PLSCR2: variants seen among roughly 807,000 people sequenced by gnomAD.
PLSCR2 encodes the protein phospholipid scramblase 2, also known as PL scramblase 2.
In PLSCR2, 18 loss-of-function variants were observed where a neutral mutation model predicts 25.3. The observed-to-expected ratio is 0.71, with a 90% CI of 0.49 to 1.06. PLSCR2 has a LOEUF of 1.06. Ranked by LOEUF, PLSCR2 falls within the 50% of genes least tolerant of loss-of-function variation. The pLI, the probability that PLSCR2 is intolerant of heterozygous loss-of-function variation, is 0.00. For synonymous variants in PLSCR2, 88 were observed against 87.3 expected, an observed-to-expected ratio of 1.01 and a Z score of -0.04; for missense variants, 243 against 269.5, an observed-to-expected ratio of 0.90 and a Z score of 0.69.
chr3:146,459,003 C>T (rs1359870027), intron 2 of PLSCR2, among the ~76,000 whole-genome samples: 1 of 152,228 alleles, frequency 6.6e-6, no homozygotes, highest in East Asian at 1.9e-4. Context: ...AATTCATTTA[C>T]TGAAAACTCA....
At chr3:146,428,742 CTG>C (rs1182886908), downstream of PLSCR2, among the ~76,000 whole-genome samples, 5 of 152,194 alleles carry the variant, frequency 3.3e-5, no homozygotes, top group African/African-American at 1.2e-4. Context: ...GTCTACACTT[CTG>C]TGAGATGAGA....
chr3:146,483,479 GTATA>G (rs56655616), intron 1 of PLSCR2, among the ~76,000 whole-genome samples: 56 of 54,820 alleles, frequency 1.0e-3, no homozygotes, highest in Admixed American at 4.2e-3. Context: ...ATATACATGT[GTATA>G]TATATATATA....
chr3:146,485,104 A>C (rs753478756), intron 1 of PLSCR2, among the ~76,000 whole-genome samples: 1 of 140,416 alleles, frequency 7.1e-6, no homozygotes, highest in Non-Finnish European at 1.6e-5. Context: ...TTCATCAAGC[A>C]ACTGGAAAGA....
Position 146,454,177 on chromosome 3 carries a change from A to T in PLSCR2, c.322-14T>A. On this transcript the variant is annotated splice_polypyrimidine_tract_variant and intron_variant, in intron 4 of 6. Coordinates refer to ENST00000610787, the Ensembl canonical transcript of PLSCR2. Reference sequence around the variant, plus strand: ...TTGGATTTCTATCTACAAAAGTAAAATATGTGTGAACGTAATAAATCATCA... The same window carrying T: ...TTGGATTTCTATCTACAAAAGTAAATTATGTGTGAACGTAATAAATCATCA... 6.5e-7 allele frequency: 1 copy of T among 1,543,014 alleles called. No homozygotes were observed. The highest frequency in any genetic ancestry group is 8.8e-7 in the Non-Finnish European group (1 of 1,140,284).
upstream of PLSCR2, chr3:146,461,684 T>C: frequency 1.9e-6 from 1 of 521,604 alleles, no homozygotes; most frequent in Non-Finnish European, 3.4e-6. Flanking sequence ...AAACGCTGAC[T>C]CTGTAAGGAA....
chr3:146,407,552 G>T (rs565628205), intron 2 of PLSCR2, among the ~76,000 whole-genome samples: 1 of 152,262 alleles, frequency 6.6e-6, no homozygotes, highest in African/African-American at 2.4e-5. Flanking sequence ...GCACTGGAGA[G>T]CTGCTTGATC....
chr3:146,479,650 C>T (rs541403619), intron 1 of PLSCR2, among the ~76,000 whole-genome samples: 22 of 152,294 alleles, frequency 1.4e-4, no homozygotes, highest in Admixed American at 3.3e-4. Context: ...GACTTCAACA[C>T]TCCACTATCA....
At position 146,454,189 on chromosome 3, in the gene PLSCR2, G is replaced by A. The variant is rs375970578; in HGVS notation, c.322-26C>T. 4.2e-5 allele frequency: 61 copies of A among 1,468,132 alleles called. No individual in the cohort carries two copies. In the Middle Eastern group the frequency reaches 7.2e-4, roughly 17 times the overall value. 90.9% of individuals were successfully genotyped at this position (1,468,132 alleles called of 1,614,324 possible). On this transcript the variant is annotated intron_variant, in intron 4 of 6. Coordinates refer to ENST00000610787, the Ensembl canonical transcript of PLSCR2. Reference sequence around the variant, plus strand: ...CTACAAAAGTAAAATATGTGTGAACGTAATAAATCATCATAATAAAAATAT... The same window carrying A: ...CTACAAAAGTAAAATATGTGTGAACATAATAAATCATCATAATAAAAATAT...
At chr3:146,397,678 A>C (rs2037565) in intron 2 of PLSCR2, among the ~76,000 whole-genome samples, 78,999 of 151,784 alleles carry the variant, frequency 0.52, 20,893 homozygotes, top group South Asian at 0.71. Flanking sequence ...TACAACGAGT[A>C]GGATTTGCTG....
chr3:146,492,252 GA>G (rs1271745071), intron 1 of PLSCR2, among the ~76,000 whole-genome samples: 8 of 152,052 alleles, frequency 5.3e-5, no homozygotes, highest in African/African-American at 1.9e-4. Flanking sequence ...ATACTCTGCA[GA>G]AAACTAATGA....
chr3:146,397,950 A>G (rs2107986354), intron 2 of PLSCR2, among the ~76,000 whole-genome samples: 1 of 152,166 alleles, frequency 6.6e-6, no homozygotes, highest in Admixed American at 6.5e-5. Flanking sequence ...AAATGAATTG[A>G]CATAATTCTA....
exon 5 of PLSCR2, chr3:146,454,130 C>G: frequency 6.3e-7 from 1 of 1,599,954 alleles, no homozygotes; most frequent in South Asian, 1.1e-5. Context: ...GTAACATAAC[C>G]TACTGGTACA....
intron 3 of PLSCR2, among the ~76,000 whole-genome samples, chr3:146,394,578 TTCTA>T (rs1343578061): frequency 6.6e-6 from 1 of 152,224 alleles, no homozygotes; most frequent in Non-Finnish European, 1.5e-5. Context: ...ATTTAACAAT[TTCTA>T]TCTATCAACT....
At chr3:146,471,581 T>A (rs2042121043) in intron 1 of PLSCR2, among the ~76,000 whole-genome samples, 1 of 151,830 alleles carries the variant, frequency 6.6e-6, no homozygotes, top group Non-Finnish European at 1.5e-5. Flanking sequence ...TTTTTTTTTT[T>A]TCTGAGACAG....
At chr3:146,419,697 G>C (rs550319294) in intron 2 of PLSCR2, among the ~76,000 whole-genome samples, 1 of 152,096 alleles carries the variant, frequency 6.6e-6, no homozygotes, top group South Asian at 2.1e-4. Context: ...CCTTATCCAT[G>C]TTCCAGAGGC....
intron 2 of PLSCR2, among the ~76,000 whole-genome samples, chr3:146,458,659 T>TA (rs1261720984): frequency 1.3e-5 from 2 of 152,112 alleles, no homozygotes; most frequent in Non-Finnish European, 2.9e-5. Context: ...AAGCATTCAC[T>TA]ATTATAGTTG....
intron 5 of PLSCR2, among the ~76,000 whole-genome samples, chr3:146,452,047 A>G (rs894437521): frequency 1.6e-4 from 25 of 152,206 alleles, no homozygotes; most frequent in Admixed American, 1.6e-3. Context: ...CCTGCTTTAT[A>G]GCTAGTTGGT....
At chr3:146,400,312 C>A (rs1324807101) in intron 2 of PLSCR2, among the ~76,000 whole-genome samples, 1 of 151,258 alleles carries the variant, frequency 6.6e-6, no homozygotes, top group Non-Finnish European at 1.5e-5. Flanking sequence ...ATACACAGAG[C>A]AATAATTTTC....
chr3:146,463,440 C>T (rs2041718651), upstream of PLSCR2, among the ~76,000 whole-genome samples: 1 of 152,196 alleles, frequency 6.6e-6, no homozygotes, highest in Non-Finnish European at 1.5e-5. Flanking sequence ...CAGGCGTGAG[C>T]CACCGCGCCC....
Sources: allele counts gnomAD v4.1 joint callset (sites outside exome capture counted in the v4.1 genomes callset), GRCh38; gene constraint gnomAD v4.1.1; transcripts MANE v1.5; gene names NCBI Gene and HGNC (gene_info 2026-07-23, HGNC 2026-07-21).